ESRRG: variants seen among roughly 807,000 people sequenced by gnomAD.
ESRRG encodes the protein estrogen related receptor gamma, also known as estrogen-related receptor gamma.
ESRRG carries 13 observed loss-of-function variants against 44.0 expected under a neutral mutation model. The ratio of observed to expected loss-of-function variants is 0.30; its 90% confidence interval spans 0.19 to 0.47. ESRRG has a LOEUF of 0.47. Ranked by LOEUF, ESRRG falls within the 20% of genes least tolerant of loss-of-function variation. ESRRG has a pLI of 1.00. For synonymous variants in ESRRG, 215 were observed against 214.6 expected (o/e 1.00, Z -0.02); for missense variants, 395 against 580.6 (o/e 0.68, Z 3.29).
At chr1:216,522,445 ACTT>A (rs66464950) in intron 5 of ESRRG, among the ~76,000 whole-genome samples, 61,915 of 151,024 alleles carry the variant, frequency 0.41, 13,533 homozygotes, top group East Asian at 0.55. Flanking sequence ...AAAAGTCTGA[ACTT>A]CTTCTATCTT....
chr1:217,018,929 TG>T (rs1221517208), intron 1 of ESRRG, among the ~76,000 whole-genome samples: 1 of 152,182 alleles, frequency 6.6e-6, no homozygotes, highest in Admixed American at 6.5e-5. Flanking sequence ...TAGGCATCCC[TG>T]GTACAGCAAA....
chr1:216,858,309 T>C (rs1299858034), intron 2 of ESRRG, among the ~76,000 whole-genome samples: 1 of 148,040 alleles, frequency 6.8e-6, no homozygotes, highest in South Asian at 2.1e-4. Context: ...TGGTGGCGGG[T>C]GCCTGTAGTC....
chr1:216,545,643 A>G (rs2054271810), intron 5 of ESRRG, among the ~76,000 whole-genome samples: 1 of 152,066 alleles, frequency 6.6e-6, no homozygotes, highest in South Asian at 2.1e-4. Flanking sequence ...TGATGAATAC[A>G]CACATACTTA....
chr1:216,586,829 G>A (rs911601481), intron 3 of ESRRG, among the ~76,000 whole-genome samples: 2 of 151,974 alleles, frequency 1.3e-5, no homozygotes, highest in South Asian at 4.2e-4. Context: ...TGCCCACCTC[G>A]GCCTCCCAAA....
At chr1:217,071,906 T>C (rs957644990) in intron 1 of ESRRG, among the ~76,000 whole-genome samples, 6 of 152,200 alleles carry the variant, frequency 3.9e-5, no homozygotes, top group African/African-American at 1.4e-4. Flanking sequence ...GGTCTAGTTC[T>C]AGAGCTATGA....
intron 5 of ESRRG, among the ~76,000 whole-genome samples, chr1:216,558,236 T>G (rs2057987788): frequency 6.6e-6 from 1 of 152,172 alleles, no homozygotes; most frequent in Non-Finnish European, 1.5e-5. Context: ...TTCAGATTAT[T>G]TTTTTCAAAA....
chr1:217,097,896 T>C (rs1404893510), intron 1 of ESRRG, among the ~76,000 whole-genome samples: 2 of 150,490 alleles, frequency 1.3e-5, no homozygotes, highest in Non-Finnish European at 3.0e-5. Context: ...CCATGGTTCC[T>C]AAACTTTGCC....
intron 3 of ESRRG, among the ~76,000 whole-genome samples, chr1:216,586,300 C>T (rs1370174084): frequency 6.6e-6 from 1 of 152,068 alleles, no homozygotes; most frequent in Non-Finnish European, 1.5e-5. Flanking sequence ...ATAAAACTTA[C>T]TTCTACAATA....
chr1:216,594,051 A>G (rs1168850845), intron 3 of ESRRG, among the ~76,000 whole-genome samples: 1 of 152,208 alleles, frequency 6.6e-6, no homozygotes, highest in Non-Finnish European at 1.5e-5. Context: ...GAAACTCAAG[A>G]GAAACCTGTT....
At chr1:216,564,794 T>C (rs1440094606) in intron 4 of ESRRG, among the ~76,000 whole-genome samples, 1 of 152,138 alleles carries the variant, frequency 6.6e-6, no homozygotes, top group East Asian at 1.9e-4. Context: ...ATATAGATCA[T>C]AACACAGGAG....
At chr1:217,042,473 AACACACACACACAC>A (rs140559927) in intron 1 of ESRRG, among the ~76,000 whole-genome samples, 50,130 of 138,956 alleles carry the variant, frequency 0.36, 8,849 homozygotes, top group Non-Finnish European at 0.42. Context: ...TACACACACA[AACACACACACACAC>A]ACACACACAC....
intron 2 of ESRRG, among the ~76,000 whole-genome samples, chr1:216,928,934 A>G (rs1177746398): frequency 6.6e-6 from 1 of 152,140 alleles, no homozygotes; most frequent in Non-Finnish European, 1.5e-5. Context: ...AGAATGGGGG[A>G]TGCTAGGGAT....
chr1:216,905,167 C>T (rs1432335599), intron 2 of ESRRG, among the ~76,000 whole-genome samples: 3 of 152,104 alleles, frequency 2.0e-5, no homozygotes, highest in Non-Finnish European at 2.9e-5. Flanking sequence ...GCAGATACTC[C>T]GGCTGCCCAT....
intron 2 of ESRRG, among the ~76,000 whole-genome samples, chr1:216,821,975 C>A (rs1339901295): frequency 6.6e-6 from 1 of 151,844 alleles, no homozygotes; most frequent in Admixed American, 6.6e-5. Flanking sequence ...CCCTAGGTAA[C>A]TCTCCATTGC....
intron 1 of ESRRG, among the ~76,000 whole-genome samples, chr1:216,719,710 G>T (rs1388807990): frequency 6.6e-6 from 1 of 151,886 alleles, no homozygotes; most frequent in Non-Finnish European, 1.5e-5. Flanking sequence ...TACCTTATTT[G>T]GGGAAAACAC....
chr1:216,721,658 C>T (rs961724364), intron 1 of ESRRG, among the ~76,000 whole-genome samples: 2 of 152,108 alleles, frequency 1.3e-5, no homozygotes, highest in Admixed American at 1.3e-4. Flanking sequence ...CAAAAAGAAG[C>T]CTCTGGGGGA....
chr1:216,510,991 T>C (rs2042571058), intron 6 of ESRRG, among the ~76,000 whole-genome samples: 1 of 152,164 alleles, frequency 6.6e-6, no homozygotes, highest in Non-Finnish European at 1.5e-5. Flanking sequence ...CAATACTTTC[T>C]CAAGAGTGCC....
chr1:216,987,150 T>G (rs1224136456), intron 1 of ESRRG, among the ~76,000 whole-genome samples: 1 of 152,238 alleles, frequency 6.6e-6, no homozygotes, highest in East Asian at 1.9e-4. Flanking sequence ...TTGTGATATT[T>G]GTAAGCTTTG....
chr1:216,984,352 T>G (rs1247075178), intron 1 of ESRRG, among the ~76,000 whole-genome samples: 3 of 152,186 alleles, frequency 2.0e-5, no homozygotes, highest in Non-Finnish European at 4.4e-5. Flanking sequence ...AATAGCTTCA[T>G]GCAAAATAGC....
Sources: gnomAD v4.1 joint callset for allele counts (sites outside exome capture counted in the v4.1 genomes callset) on GRCh38, gnomAD v4.1.1 for gene constraint, MANE v1.5 for transcripts, NCBI Gene and HGNC (gene_info 2026-07-23, HGNC 2026-07-21) for gene names.